The following NRXN1 variants were observed in gnomAD, a reference collection of about 807,000 sequenced individuals.
NRXN1 encodes neurexin-1.
In NRXN1, 39 loss-of-function variants were observed where a neutral mutation model predicts 150.9. The ratio of observed to expected loss-of-function variants is 0.26; its 90% CI spans 0.20 to 0.34. The LOEUF (loss-of-function observed/expected upper bound fraction) is 0.34. Among genes scored for constraint, NRXN1 ranks in the 10% least tolerant of loss-of-function variants. NRXN1 has a pLI of 1.00. For synonymous variants in NRXN1, 924 were observed against 757.0 expected, an observed-to-expected ratio of 1.22 and a Z score of -3.62; for missense variants, 1,815 against 1,949.9, an observed-to-expected ratio of 0.93 and a Z score of 1.30.
At chr2:50,007,090 C>G (rs1025023514) in intron 21 of NRXN1, among the ~76,000 whole-genome samples, 3 of 152,092 alleles carry the variant, frequency 2.0e-5, no homozygotes, top group Non-Finnish European at 4.4e-5. Flanking sequence ...CACCTGCAAT[C>G]CTGATACCTT....
chr2:50,255,088 A>G (rs2152903972), intron 17 of NRXN1, among the ~76,000 whole-genome samples: 1 of 152,288 alleles, frequency 6.6e-6, no homozygotes, highest in African/African-American at 2.4e-5. Flanking sequence ...TATTACAGGT[A>G]TAAGTCACCA....
At chr2:50,804,258 T>C (rs557720743) in intron 5 of NRXN1, among the ~76,000 whole-genome samples, 1 of 152,286 alleles carries the variant, frequency 6.6e-6, no homozygotes, top group African/African-American at 2.4e-5. Flanking sequence ...GGTGAAGTTA[T>C]GGTATACAAT....
chr2:50,200,750 T>C (rs1049996822), intron 18 of NRXN1, among the ~76,000 whole-genome samples: 1 of 152,178 alleles, frequency 6.6e-6, no homozygotes, highest in Admixed American at 6.5e-5. Flanking sequence ...TTTAGTGCAC[T>C]GAGTTATGGT....
intron 3 of NRXN1, among the ~76,000 whole-genome samples, chr2:50,923,891 A>G (rs1686469394): frequency 6.6e-6 from 1 of 151,828 alleles, no homozygotes; most frequent in East Asian, 1.9e-4. Context: ...ACAAATAATC[A>G]TCTAATCACA....
At chr2:50,074,505 T>C (rs1001669109) in intron 19 of NRXN1, among the ~76,000 whole-genome samples, 1 of 152,146 alleles carries the variant, frequency 6.6e-6, no homozygotes, top group African/African-American at 2.4e-5. Flanking sequence ...TTAAGAATAA[T>C]ATGTAATGTC....
rs148876950 is a variant in NRXN1, at chr2:50,383,361, A to C, written c.3364+82081T>G. On this transcript the variant is annotated intron_variant, in intron 17 of 22. Transcript: ENST00000401669. ...TAGGAGAAAAAGGGCAGAAGGAAGA[A>C]CAAGAAAGTAAACAGCTGCTACCAT... Among the ~76,000 whole-genome samples, 413 of 152,332 alleles carry C rather than the reference A, an allele frequency of 2.7e-3. 1 individual carries two copies. Among genetic ancestry groups the C allele is most frequent in the African/African-American group, 9.2e-3 (382 of 41,586 alleles).
chr2:50,762,424 T>A (rs150497745), intron 5 of NRXN1, among the ~76,000 whole-genome samples: 2 of 151,984 alleles, frequency 1.3e-5, no homozygotes, highest in African/African-American at 4.8e-5. Flanking sequence ...TAGGGTATGA[T>A]TGATCCTGTC....
intron 2 of NRXN1, among the ~76,000 whole-genome samples, chr2:51,005,230 C>T (rs1361844772): frequency 6.6e-6 from 1 of 151,978 alleles, no homozygotes; most frequent in Admixed American, 6.6e-5. Context: ...ACCCTGATTA[C>T]TCAGTTATAA....
intron 5 of NRXN1, among the ~76,000 whole-genome samples, chr2:50,831,840 G>A (rs988763043): frequency 6.6e-6 from 1 of 152,176 alleles, no homozygotes; most frequent in Admixed American, 6.5e-5. Flanking sequence ...CCCAAGAGCA[G>A]GAGCCATTTC....
At chr2:50,707,769 A>G (rs1694640443) in intron 5 of NRXN1, among the ~76,000 whole-genome samples, 1 of 152,140 alleles carries the variant, frequency 6.6e-6, no homozygotes, top group Admixed American at 6.6e-5. Flanking sequence ...TATCCTATCT[A>G]GTTGAAAAAT....
intron 5 of NRXN1, among the ~76,000 whole-genome samples, chr2:50,892,327 G>A (rs1336141539): frequency 6.6e-6 from 1 of 152,074 alleles, no homozygotes; most frequent in Non-Finnish European, 1.5e-5. Flanking sequence ...AAGTTGTGAT[G>A]CTTCCTTTAT....
At chr2:50,883,408 T>C (rs1416990655) in intron 5 of NRXN1, among the ~76,000 whole-genome samples, 1 of 150,028 alleles carries the variant, frequency 6.7e-6, no homozygotes, top group Non-Finnish European at 1.5e-5. Flanking sequence ...TTCACAACAT[T>C]CAACATTTAC....
chr2:50,927,606 A>C (rs935507727), intron 2 of NRXN1, among the ~76,000 whole-genome samples: 3 of 152,036 alleles, frequency 2.0e-5, no homozygotes, highest in African/African-American at 7.2e-5. Flanking sequence ...ATTGGACATA[A>C]TACAAAGATA....
chr2:50,079,860 A>G (rs1428459471), intron 19 of NRXN1, among the ~76,000 whole-genome samples: 1 of 152,110 alleles, frequency 6.6e-6, no homozygotes, highest in Non-Finnish European at 1.5e-5. Context: ...TCTTCCCATA[A>G]TAATGAACGG....
At chr2:50,730,735 C>T (rs1234177881) in intron 5 of NRXN1, among the ~76,000 whole-genome samples, 2 of 141,234 alleles carry the variant, frequency 1.4e-5, no homozygotes, top group African/African-American at 5.2e-5. Flanking sequence ...TGCAGTGGCG[C>T]GATCTGGGCT....
chr2:49,974,892 C>G (rs540861060), intron 21 of NRXN1, among the ~76,000 whole-genome samples: 1 of 151,442 alleles, frequency 6.6e-6, no homozygotes, highest in Non-Finnish European at 1.5e-5. Context: ...GCCTGAAGAA[C>G]AAATGTATTA....
chr2:50,042,658 G>A (rs1446874352), intron 21 of NRXN1, among the ~76,000 whole-genome samples: 2 of 149,396 alleles, frequency 1.3e-5, no homozygotes, highest in African/African-American at 2.5e-5. Flanking sequence ...TGTCCTTTTT[G>A]TATCAAACAC....
intron 2 of NRXN1, among the ~76,000 whole-genome samples, chr2:51,022,526 T>G (rs1669781345): frequency 6.6e-6 from 1 of 152,128 alleles, no homozygotes; most frequent in Non-Finnish European, 1.5e-5. Context: ...AAAATAAACT[T>G]TTTAATAAAC....
intron 5 of NRXN1, among the ~76,000 whole-genome samples, chr2:50,683,238 A>G (rs988135297): frequency 2.6e-5 from 4 of 152,060 alleles, no homozygotes; most frequent in African/African-American, 9.7e-5. Flanking sequence ...ACAGAGGATC[A>G]GAGGCAAACT....
Sources: gnomAD v4.1 joint callset for allele counts (sites outside exome capture counted in the v4.1 genomes callset) on GRCh38, gnomAD v4.1.1 for gene constraint, MANE v1.5 for transcripts, NCBI Gene and HGNC (gene_info 2026-07-23, HGNC 2026-07-21) for gene names.